The following COL27A1 variants were observed in gnomAD, a reference collection of about 807,000 sequenced individuals.
The protein encoded by COL27A1 is collagen alpha-1(XXVII) chain.
A neutral mutation model predicts 251.3 loss-of-function variants in COL27A1; 106 were observed. That is an observed-to-expected ratio of 0.42 (90% CI 0.36 to 0.50). The LOEUF is 0.50. COL27A1 is among the 20% of genes least tolerant of loss of function. The probability of loss-of-function intolerance (pLI) is 0.00; values close to 1 mark genes in which losing one functional copy is unlikely to be tolerated. For missense variants in COL27A1, 2,325 were observed against 2,522.8 expected (o/e 0.92, Z 1.68); for synonymous variants, 1,000 against 986.3 (o/e 1.01, Z -0.26).
chr9:114,276,916 G>A (rs774298419), intron 37 of COL27A1, among the ~76,000 whole-genome samples: 1 of 152,298 alleles, frequency 6.6e-6, no homozygotes, highest in Admixed American at 6.5e-5. Context: ...CTTTGATACC[G>A]ATAGCAACCC....
At chr9:114,289,339 G>C (rs1260893961) in intron 45 of COL27A1, 44 bp downstream of exon 45, 7 of 1,526,550 alleles carry the variant, frequency 4.6e-6, no homozygotes, top group Non-Finnish European at 6.2e-6. Flanking sequence ...GTCCCAGGAA[G>C]GGGGAAGCCT....
At position 114,258,541 on chromosome 9, in the gene COL27A1, G is replaced by A. The variant is rs757958997; in HGVS notation, c.3142G>A (p.Gly1048Ser). ...TCCAAACTCTTTCTCCTCTTCCCAG[G>A]GTCCTCCAGGATCTCGAGGCCCACC... ...MGTPGEPGPQ[G>S]PPGSRGPPGM... Residue 1048 changes from glycine (G) to serine (S), a missense_variant and splice_region_variant, in exon 28 of 61, where the codon GGT becomes AGT. By Grantham distance (56) the Gly-to-Ser change is moderately conservative (BLOSUM62 0). Transcript: ENST00000356083. 5 of 1,613,816 alleles carry A rather than the reference G, an allele frequency of 3.1e-6. No homozygotes were observed. Among genetic ancestry groups the A allele is most frequent in the Non-Finnish European group, 4.2e-6 (5 of 1,179,920 alleles).
chr9:114,168,491 G>A lies in COL27A1; in HGVS notation c.936G>A (p.Met312Ile). ...RTSPTNPHQH[M>I]AVGGPAQTPL... ...GCCCCACAAACCCTCACCAGCATAT[G>A]GCGGTGGGAGGCCCAGCCCAAACCC... Residue 312 changes from methionine to isoleucine, a missense_variant, in exon 3 of 61, where the codon ATG becomes ATA. Physicochemically the swap from Met to Ile is conservative, Grantham distance 10 (BLOSUM62 1). Coordinates refer to ENST00000356083, the MANE Select transcript of COL27A1 (RefSeq NM_032888.4). 6.2e-7 allele frequency: 1 copy of A among 1,613,896 alleles called. No individual in the cohort carries two copies. Among genetic ancestry groups the A allele is most frequent in the Non-Finnish European group, 8.5e-7 (1 of 1,179,890 alleles).
At chr9:114,266,963 T>C (rs924742408) in intron 33 of COL27A1, among the ~76,000 whole-genome samples, 5 of 152,086 alleles carry the variant, frequency 3.3e-5, no homozygotes, top group Non-Finnish European at 7.4e-5. Context: ...GGTTTGACTG[T>C]CCATCCAGCC....
chr9:114,209,447 G>C (rs1471602419), intron 10 of COL27A1: 1 of 770,430 alleles, frequency 1.3e-6, no homozygotes, highest in African/African-American at 1.7e-5. Flanking sequence ...CTGGCGTGAG[G>C]GTATGTGCCT....
intron 44 of COL27A1, 80 bp downstream of exon 44, chr9:114,289,047 T>C: frequency 6.5e-7 from 1 of 1,536,936 alleles, no homozygotes. Context: ...CTAGGCCCTT[T>C]AAAGCTTAAA....
At chr9:114,166,368 A>ATCCATCCATCCGTCC (rs1554786336) in intron 2 of COL27A1, among the ~76,000 whole-genome samples, 4 of 37,138 alleles carry the variant, frequency 1.1e-4, no homozygotes, top group African/African-American at 1.1e-4. Context: ...TCCATCCATC[A>ATCCATCCATCCGTCC]ATCCATCCAT....
chr9:114,270,043 C>T (rs1000953726), intron 35 of COL27A1, among the ~76,000 whole-genome samples: 1 of 152,242 alleles, frequency 6.6e-6, no homozygotes. Flanking sequence ...TTCTTGCTGT[C>T]ATTCCCGAGC....
At chr9:114,164,795 G>A (rs543052951) in intron 2 of COL27A1, among the ~76,000 whole-genome samples, 2 of 152,324 alleles carry the variant, frequency 1.3e-5, no homozygotes, top group South Asian at 2.1e-4. Context: ...TCCTTAATCA[G>A]TAGTTTATTT....
chr9:114,310,133 G>A (rs1046282621), intron 60 of COL27A1, among the ~76,000 whole-genome samples: 3 of 152,136 alleles, frequency 2.0e-5, no homozygotes, highest in African/African-American at 7.2e-5. Context: ...AAGGGTGGGA[G>A]AGGGGTGAGA....
intron 48 of COL27A1, among the ~76,000 whole-genome samples, chr9:114,291,281 G>GA (rs767499640): frequency 6.6e-6 from 1 of 152,218 alleles, no homozygotes; most frequent in Non-Finnish European, 1.5e-5. Context: ...GGGCCCCCAT[G>GA]AATCCGTCAG....
intron 24 of COL27A1, among the ~76,000 whole-genome samples, chr9:114,248,674 C>CG (rs1269397627): frequency 6.6e-5 from 10 of 152,024 alleles, no homozygotes; most frequent in Non-Finnish European, 1.2e-4. Flanking sequence ...GACAGTACCC[C>CG]GGGGGGGTCC....
At position 114,264,402 on chromosome 9, in the gene COL27A1, C is replaced by G; in HGVS notation, c.3243C>G (p.Gly1081=). The G allele has an allele frequency of 6.3e-7, 1 of 1,585,022 alleles. No homozygotes were observed. Residue 1081 remains glycine, a synonymous_variant, in exon 29 of 61, where the codon GGC becomes GGG. Coordinates refer to ENST00000356083, the MANE Select transcript of COL27A1 (RefSeq NM_032888.4). The part of the protein sequence containing the change: ...DGPAGEQGSR[G]LKGPPGPQGR... Reference sequence around the variant, plus strand: ...CAGCTGGGGAGCAAGGGTCCAGGGGCCTGAAGGTACCGACCCCTAGGACCT... The same window carrying G: ...CAGCTGGGGAGCAAGGGTCCAGGGGGCTGAAGGTACCGACCCCTAGGACCT...
In COL27A1 at chr9:114,275,661, G is replaced by A. The variant is rs1282029048; in HGVS notation, c.3610G>A (p.Gly1204Arg). Residue 1204 changes from glycine to arginine, a missense_variant and splice_region_variant, in exon 37 of 61, where the codon GGG becomes AGG. This residue lies in a region of COL27A1 where 662 missense variants were observed against 795.3 expected (regional missense o/e 0.83). Transcript: ENST00000356083. ...SGPMGPDGLK[G>R]DRGDPGPDGE... ...CCCCTCTTCATGCCCTGCCACCCAG[G>A]GGGACAGGGGAGACCCAGGGCCTGA... The A allele has an allele frequency of 6.5e-7, 1 of 1,545,522 alleles. No homozygotes were observed. The highest frequency in any genetic ancestry group is 1.2e-5 in the South Asian group (1 of 83,522).
intron 54 of COL27A1, 65 bp downstream of exon 54, chr9:114,301,527 C>A: frequency 6.4e-7 from 1 of 1,573,708 alleles, no homozygotes; most frequent in South Asian, 1.2e-5. Context: ...ATTCTCCTCC[C>A]GGTGGTACAT....
intron 2 of COL27A1, among the ~76,000 whole-genome samples, chr9:114,167,188 A>G (rs963729354): frequency 6.6e-6 from 1 of 152,164 alleles, no homozygotes; most frequent in Admixed American, 6.5e-5. Context: ...ATAACGTGTC[A>G]TTGTTGGGCA....
intron 49 of COL27A1, among the ~76,000 whole-genome samples, chr9:114,293,316 G>T (rs892811127): frequency 1.3e-5 from 2 of 152,176 alleles, no homozygotes; most frequent in Non-Finnish European, 2.9e-5. Context: ...GAGACCAAAA[G>T]AGATGTTAGT....
intron 12 of COL27A1, chr9:114,218,466 G>C (rs1003718092): frequency 1.3e-5 from 2 of 152,210 alleles, no homozygotes; most frequent in African/African-American, 4.8e-5. Context: ...TATGACCTTG[G>C]CCATGTGATG....
intron 2 of COL27A1, among the ~76,000 whole-genome samples, chr9:114,167,100 C>G (rs1848942423): frequency 6.6e-6 from 1 of 152,184 alleles, no homozygotes; most frequent in South Asian, 2.1e-4. Context: ...GGTGACAGGT[C>G]TATTCTTGTC....
Sources: gnomAD v4.1 joint callset for allele counts (sites outside exome capture counted in the v4.1 genomes callset) on GRCh38, gnomAD v4.1.1 for gene constraint, gnomAD v4.1.1 regional missense constraint, MANE v1.5 for transcripts, NCBI Gene and HGNC (gene_info 2026-07-23, HGNC 2026-07-21) for gene names.